Variants in KLHL1 observed in about 807,000 individuals in gnomAD.
KLHL1 encodes kelch-like protein 1.
Under a neutral mutation model 77.7 loss-of-function variants are expected in KLHL1, and 47 were observed. The observed-to-expected ratio is 0.60, with a 90% CI of 0.48 to 0.77. The LOEUF (loss-of-function observed/expected upper bound fraction) is 0.77. Ranked by LOEUF, KLHL1 falls within the 30% of genes least tolerant of loss-of-function variation. The pLI is 0.00. For missense variants in KLHL1, 925 were observed against 910.8 expected (o/e 1.02, Z -0.20); for synonymous variants, 360 against 325.2 (o/e 1.11, Z -1.15).
intron 4 of KLHL1, among the ~76,000 whole-genome samples, chr13:69,929,688 C>T (rs114909406): frequency 0.013 from 1,898 of 151,766 alleles, 37 homozygotes; most frequent in African/African-American, 0.042. Context: ...ATATTTAATG[C>T]TAAGAATATA....
chr13:69,871,477 T>A (rs1880584504), intron 5 of KLHL1, among the ~76,000 whole-genome samples: 1 of 152,206 alleles, frequency 6.6e-6, no homozygotes, highest in Non-Finnish European at 1.5e-5. Flanking sequence ...CTTCTGAAAC[T>A]GTTTTTTCCT....
chr13:70,077,619 A>C (rs1479159084), intron 1 of KLHL1, among the ~76,000 whole-genome samples: 1 of 152,056 alleles, frequency 6.6e-6, no homozygotes, highest in Admixed American at 6.6e-5. Context: ...ATATGGTTTC[A>C]TCAATTGTAA....
At chr13:69,782,295 G>A (rs951396588) in intron 7 of KLHL1, among the ~76,000 whole-genome samples, 13 of 152,336 alleles carry the variant, frequency 8.5e-5, no homozygotes, top group African/African-American at 2.4e-4. Context: ...ATCTCACTAG[G>A]GAGTGCCAGA....
In KLHL1 at chr13:70,108,192, C is replaced by T. The variant is rs1045869717; in HGVS notation, c.-493G>A. ...AGCTCAGAGTTCAGTGTCTGGAGAG[C>T]GCAGAGAGAAAGAGCCCCAAGTCTC... is the stretch of plus-strand genomic sequence containing the variant. On this transcript the variant is annotated 5_prime_UTR_variant, in exon 1 of 11. Transcript: ENST00000377844. 7.6e-6 allele frequency: 3 copies of T among 396,438 alleles called. No homozygotes were observed. The highest frequency in any genetic ancestry group is 8.9e-6 in the Non-Finnish European group (2 of 225,644). 24.6% of individuals were successfully genotyped at this position (396,438 alleles called of 1,614,324 possible).
intron 8 of KLHL1, among the ~76,000 whole-genome samples, chr13:69,739,361 C>G (rs538334985): frequency 2.0e-5 from 3 of 152,216 alleles, no homozygotes; most frequent in East Asian, 1.9e-4. Flanking sequence ...GCAAAATAAC[C>G]AGACAGCATT....
At chr13:69,914,032 G>A (rs1026405094) in intron 4 of KLHL1, among the ~76,000 whole-genome samples, 1 of 152,066 alleles carries the variant, frequency 6.6e-6, no homozygotes, top group African/African-American at 2.4e-5. Flanking sequence ...TTAGTCTTCT[G>A]GCCTACATTC....
intron 5 of KLHL1, among the ~76,000 whole-genome samples, chr13:69,872,792 A>T (rs116145493): frequency 3.8e-4 from 58 of 152,228 alleles, no homozygotes; most frequent in African/African-American, 1.4e-3. Context: ...GCTCTTTTTA[A>T]CAACCGGCTC....
At chr13:69,978,868 G>A (rs1286543827) in intron 1 of KLHL1, among the ~76,000 whole-genome samples, 4 of 152,184 alleles carry the variant, frequency 2.6e-5, no homozygotes, top group East Asian at 3.9e-4. Context: ...TTTGTCTTTA[G>A]TTGTTGTCCA....
intron 1 of KLHL1, among the ~76,000 whole-genome samples, chr13:70,047,501 C>A (rs1194947492): frequency 6.6e-6 from 1 of 151,976 alleles, no homozygotes; most frequent in Non-Finnish European, 1.5e-5. Flanking sequence ...TCTTTAGAGA[C>A]ACATTACTTA....
chr13:69,701,435 T>A lies in KLHL1; in HGVS notation c.*267A>T. On this transcript the variant is annotated 3_prime_UTR_variant, in exon 11 of 11. Coordinates refer to ENST00000377844, the MANE Select transcript of KLHL1 (RefSeq NM_020866.3). Reference sequence around the variant, plus strand: ...AAAACAAGCCTTTGGTAACTCTAGTTATTGTATGCTATAATACAAAACAAA... The same window carrying A: ...AAAACAAGCCTTTGGTAACTCTAGTAATTGTATGCTATAATACAAAACAAA... 1 of 314,406 alleles carries A rather than the reference T, an allele frequency of 3.2e-6. No homozygotes were observed. 19.5% of individuals were successfully genotyped at this position (314,406 alleles called of 1,614,324 possible).
intron 3 of KLHL1, among the ~76,000 whole-genome samples, chr13:69,942,974 T>C (rs2183908): frequency 0.13 from 19,476 of 152,128 alleles, 1,944 homozygotes; most frequent in East Asian, 0.29. Context: ...GAACTGTTCC[T>C]CTGCCATTTT....
intron 3 of KLHL1, among the ~76,000 whole-genome samples, chr13:69,958,893 A>T (rs1176010994): frequency 1.3e-5 from 2 of 152,012 alleles, no homozygotes; most frequent in Non-Finnish European, 2.9e-5. Flanking sequence ...TAGATAGTAC[A>T]GTTACCTCCT....
intron 1 of KLHL1, among the ~76,000 whole-genome samples, chr13:70,036,409 A>G (rs948481829): frequency 1.3e-5 from 2 of 151,964 alleles, no homozygotes; most frequent in South Asian, 2.1e-4. Context: ...GTTTATTCCA[A>G]TTAAATCCCC....
chr13:69,944,286 G>T (rs1415007656), intron 3 of KLHL1, among the ~76,000 whole-genome samples: 2 of 152,142 alleles, frequency 1.3e-5, no homozygotes, highest in Non-Finnish European at 2.9e-5. Context: ...TTCCTTGGTT[G>T]ACATTTCACA....
intron 3 of KLHL1, among the ~76,000 whole-genome samples, chr13:69,947,743 T>A (rs1294422435): frequency 6.6e-6 from 1 of 152,158 alleles, no homozygotes; most frequent in African/African-American, 2.4e-5. Context: ...ACAAATGGAA[T>A]ATTAGCCAGT....
intron 1 of KLHL1, among the ~76,000 whole-genome samples, chr13:70,057,810 G>GAAAGA (rs1886786209): frequency 7.3e-6 from 1 of 137,090 alleles, no homozygotes; most frequent in African/African-American, 2.6e-5. Flanking sequence ...AAAAAAGAAA[G>GAAAGA]AAAGAAAAGA....
chr13:69,735,391 A>T, intron 8 of KLHL1, among the ~76,000 whole-genome samples: 1 of 151,208 alleles, frequency 6.6e-6, no homozygotes, highest in South Asian at 2.1e-4. Flanking sequence ...AAAGGAAATA[A>T]ATGTATATTA....
chr13:70,015,657 T>C (rs1885639434), intron 1 of KLHL1, among the ~76,000 whole-genome samples: 1 of 150,558 alleles, frequency 6.6e-6, no homozygotes, highest in East Asian at 1.9e-4. Flanking sequence ...TGCTGGATGA[T>C]TTTGCCCAAC....
chr13:69,895,497 A>G (rs1258354518), intron 4 of KLHL1, among the ~76,000 whole-genome samples: 4 of 152,130 alleles, frequency 2.6e-5, no homozygotes, highest in East Asian at 1.9e-4. Flanking sequence ...GTTGATTTGT[A>G]TATTAGTTTC....
Sources: gnomAD v4.1 joint callset for allele counts (sites outside exome capture counted in the v4.1 genomes callset) on GRCh38, gnomAD v4.1.1 for gene constraint, MANE v1.5 for transcripts, NCBI Gene and HGNC (gene_info 2026-07-23, HGNC 2026-07-21) for gene names.